MCC: variants seen among roughly 807,000 people sequenced by gnomAD.
MCC encodes MCC regulator of Wnt signaling pathway.
Under a neutral mutation model 116.2 loss-of-function variants are expected in MCC, and 90 were observed. The ratio of observed to expected loss-of-function variants is 0.77; its 90% CI spans 0.65 to 0.92. MCC has a LOEUF of 0.92. MCC is among the 40% of genes least tolerant of loss of function. The pLI, the probability that MCC is intolerant of heterozygous loss-of-function variation, is 0.00. For synonymous variants in MCC, 578 were observed against 510.5 expected (o/e 1.13, Z -1.78); for missense variants, 1,516 against 1,312.2 (o/e 1.16, Z -2.40).
chr5:113,068,069 G>C lies in MCC; in HGVS notation c.2029+11C>G. ...GACAAGAGGAGGAAGAGGGACTCTG[G>C]AGACACTTACCAGGGGAGGACCCCA... On this transcript the variant is annotated intron_variant, in intron 13 of 18. Transcript: ENST00000408903. 6.2e-7 allele frequency: 1 copy of C among 1,610,904 alleles called. No homozygotes were observed. The highest frequency in any genetic ancestry group is 8.5e-7 in the Non-Finnish European group (1 of 1,177,054).
At position 113,385,185 on chromosome 5, in the gene MCC, C is replaced by T; in HGVS notation, c.198G>A (p.Gln66=). Residue 66 remains glutamine, a synonymous_variant, in exon 2 of 19, where the codon CAG becomes CAA. Transcript: ENST00000408903. ...CAGCCACAGACTCTTCCATATTCAG[C>T]TGGCGACAGACCATTAGCAAGTCAT... ...SRNDLLMVCR[Q]LNMEESVAEI... is the part of the protein sequence containing the mutation. The T allele has an allele frequency of 6.2e-7, 1 of 1,614,148 alleles. No homozygotes were observed. Among genetic ancestry groups the T allele is most frequent in the Non-Finnish European group, 8.5e-7 (1 of 1,180,022 alleles).
At chr5:113,356,238 T>A (rs1047476088) in intron 2 of MCC, among the ~76,000 whole-genome samples, 5 of 151,744 alleles carry the variant, frequency 3.3e-5, no homozygotes, top group African/African-American at 1.2e-4. Flanking sequence ...GGTCTCACTA[T>A]GTTGTCCCAG....
chr5:113,085,619 C>T (rs11744218), intron 8 of MCC, among the ~76,000 whole-genome samples: 51,792 of 152,020 alleles, frequency 0.34, 8,827 homozygotes, highest in Middle Eastern at 0.39. Flanking sequence ...CAGACCATCA[C>T]CTATTCTTCA....
At chr5:113,453,136 T>C (rs1374269389) in intron 1 of MCC, among the ~76,000 whole-genome samples, 1 of 152,160 alleles carries the variant, frequency 6.6e-6, no homozygotes, top group Non-Finnish European at 1.5e-5. Context: ...TATTGAGTTT[T>C]CCAGCGTGAA....
At chr5:113,117,487 G>T (rs1757462037) in intron 6 of MCC, among the ~76,000 whole-genome samples, 1 of 152,070 alleles carries the variant, frequency 6.6e-6, no homozygotes, top group Non-Finnish European at 1.5e-5. Flanking sequence ...CAACCCTCAG[G>T]GTATAATGGT....
intron 3 of MCC, among the ~76,000 whole-genome samples, chr5:113,192,022 A>T (rs902798904): frequency 5.9e-5 from 9 of 152,320 alleles, no homozygotes; most frequent in African/African-American, 1.9e-4. Flanking sequence ...AGACAGATTC[A>T]GTCATTTGTC....
rs73244726 is a variant in MCC, at chr5:113,159,021, G to A, written c.628-7599C>T. On this transcript the variant is annotated intron_variant, in intron 3 of 18. Coordinates refer to ENST00000408903, the MANE Select transcript of MCC (RefSeq NM_001085377.2). ...TGGGAGAAGCAGGGTCAGGGTTTTC[G>A]TGATGGCAGCACCCATGTGATTTTG... Among the ~76,000 whole-genome samples the A allele has an allele frequency of 7.2e-3, 1,102 of 152,252 alleles. 13 individuals are homozygous for A. The highest frequency in any genetic ancestry group is 0.025 in the African/African-American group (1,018 of 41,546).
chr5:113,287,743 A>C (rs1310601246), intron 3 of MCC, among the ~76,000 whole-genome samples: 1 of 152,206 alleles, frequency 6.6e-6, no homozygotes, highest in Admixed American at 6.5e-5. Context: ...AGCTATTACA[A>C]CTGCACACTT....
At chr5:113,277,137 G>A (rs1765860948) in intron 3 of MCC, among the ~76,000 whole-genome samples, 2 of 151,614 alleles carry the variant, frequency 1.3e-5, no homozygotes, top group African/African-American at 4.8e-5. Flanking sequence ...GAGGTCAGGA[G>A]TTCAAGACCA....
chr5:113,480,927 G>A (rs1018584958), intron 1 of MCC, among the ~76,000 whole-genome samples: 8 of 151,970 alleles, frequency 5.3e-5, no homozygotes, highest in African/African-American at 1.9e-4. Flanking sequence ...GGTGCAAGCT[G>A]CCATGCCTGG....
intron 3 of MCC, among the ~76,000 whole-genome samples, chr5:113,289,634 T>C (rs1475800196): frequency 1.3e-5 from 2 of 152,102 alleles, no homozygotes; most frequent in South Asian, 2.1e-4. Context: ...CCAAGCCACA[T>C]AGGGATGCCC....
At chr5:113,348,963 G>T (rs1247690646) in intron 2 of MCC, among the ~76,000 whole-genome samples, 1 of 151,972 alleles carries the variant, frequency 6.6e-6, no homozygotes, top group Non-Finnish European at 1.5e-5. Context: ...AGAGGAAATG[G>T]ATAAATTCCT....
At chr5:113,061,814 G>T (rs556163196) in intron 14 of MCC, among the ~76,000 whole-genome samples, 1 of 152,322 alleles carries the variant, frequency 6.6e-6, no homozygotes, top group East Asian at 1.9e-4. Context: ...AAGGAGATTT[G>T]CTGGGCCACA....
chr5:113,195,053 T>C (rs1345077), intron 3 of MCC, among the ~76,000 whole-genome samples: 36,202 of 152,096 alleles, frequency 0.24, 4,750 homozygotes, highest in African/African-American at 0.34. Context: ...CAGATAGTGA[T>C]TGTGCCCTAG....
chr5:113,236,351 C>T (rs1394166957), intron 3 of MCC, among the ~76,000 whole-genome samples: 3 of 152,132 alleles, frequency 2.0e-5, no homozygotes, highest in Non-Finnish European at 4.4e-5. Context: ...ATGCTGGTGG[C>T]AGAAAAGCTT....
chr5:113,059,201 C>A (rs1236274061), intron 14 of MCC, among the ~76,000 whole-genome samples: 1 of 151,932 alleles, frequency 6.6e-6, no homozygotes, highest in Non-Finnish European at 1.5e-5. Flanking sequence ...GTTGGAAGCA[C>A]AGAGCTTTAA....
chr5:113,177,947 A>T (rs1227896020), intron 3 of MCC, among the ~76,000 whole-genome samples: 1 of 152,190 alleles, frequency 6.6e-6, no homozygotes, highest in Admixed American at 6.5e-5. Flanking sequence ...TCGAATTACG[A>T]AAGAATTTTT....
At chr5:113,230,936 A>G (rs1763918041) in intron 3 of MCC, among the ~76,000 whole-genome samples, 1 of 152,188 alleles carries the variant, frequency 6.6e-6, no homozygotes, top group Non-Finnish European at 1.5e-5. Flanking sequence ...CATACCTTAA[A>G]GGAATTTTCT....
At chr5:113,078,815 G>T (rs368793428) in intron 11 of MCC, among the ~76,000 whole-genome samples, 5 of 152,264 alleles carry the variant, frequency 3.3e-5, no homozygotes, top group East Asian at 3.9e-4. Context: ...CCAGGGCAAT[G>T]AGGCAGGAGA....
Sources: gnomAD v4.1 joint callset for allele counts (sites outside exome capture counted in the v4.1 genomes callset) on GRCh38, gnomAD v4.1.1 for gene constraint, MANE v1.5 for transcripts, NCBI Gene and HGNC (gene_info 2026-07-23, HGNC 2026-07-21) for gene names.